The following M1AP variants were observed in gnomAD, a reference collection of about 807,000 sequenced individuals.
M1AP encodes the protein meiosis 1 associated protein.
A neutral mutation model predicts 51.2 loss-of-function variants in M1AP; 39 were observed. The ratio of observed to expected loss-of-function variants is 0.76; its 90% CI spans 0.59 to 1.00. M1AP has a LOEUF of 1.00. Ranked by LOEUF, M1AP falls within the 50% of genes least tolerant of loss-of-function variation. M1AP has a pLI of 0.00. For missense variants in M1AP, 545 were observed against 641.2 expected (o/e 0.85, Z 1.62); for synonymous variants, 251 against 249.2 (o/e 1.01, Z -0.07).
rs767751621 is a variant in M1AP, at chr2:74,581,802, T to C, written c.641A>G (p.Asn214Ser). ...GTDIDLQTID[N>S]DIVSMEIFFK... ...GAAAATCTCCATGCTGACGATATCA[T>C]TGTCTATAGTCTGAAGGTCAATGTC... The change falls in exon 5 of 11, where the codon AAT becomes AGT. Residue 214 changes from asparagine to serine, a missense_variant. Transcript: ENST00000421985. 6 of 1,614,050 alleles carry C rather than the reference T, an allele frequency of 3.7e-6. No individual in the cohort carries two copies. In the South Asian group the frequency reaches 4.4e-5, roughly 12 times the overall value.
At chr2:74,625,921 T>C (rs1573171245) in intron 2 of M1AP, among the ~76,000 whole-genome samples, 1 of 152,216 alleles carries the variant, frequency 6.6e-6, no homozygotes, top group Non-Finnish European at 1.5e-5. Context: ...TCTTCCAACA[T>C]GGAGAATACG....
intron 3 of M1AP, among the ~76,000 whole-genome samples, chr2:74,612,050 C>T (rs530054055): frequency 3.3e-5 from 5 of 150,642 alleles, no homozygotes; most frequent in South Asian, 2.1e-4. Flanking sequence ...CCCACCACCA[C>T]GCCTGGCTAA....
intron 8 of M1AP, among the ~76,000 whole-genome samples, chr2:74,560,825 A>G (rs1677873174): frequency 6.6e-6 from 1 of 151,984 alleles, no homozygotes; most frequent in Non-Finnish European, 1.5e-5. Flanking sequence ...TGAGCAGGCC[A>G]TGGCCACTTG....
intron 1 of M1AP, among the ~76,000 whole-genome samples, chr2:74,641,015 T>C (rs866399125): frequency 8.5e-5 from 13 of 152,264 alleles, no homozygotes; most frequent in Admixed American, 8.5e-4. Flanking sequence ...GTCTTGTTGA[T>C]ATTATTCATC....
chr2:74,637,670 T>C (rs891844365), intron 2 of M1AP, among the ~76,000 whole-genome samples: 10 of 152,336 alleles, frequency 6.6e-5, no homozygotes, highest in Non-Finnish European at 1.0e-4. Context: ...GCCCTACTAC[T>C]GAGGCAAGAT....
At chr2:74,645,362 A>T (rs1467322288) in intron 1 of M1AP, among the ~76,000 whole-genome samples, 5 of 152,224 alleles carry the variant, frequency 3.3e-5, no homozygotes, top group Non-Finnish European at 5.9e-5. Context: ...CAAGACCAAG[A>T]ACCCACCAAT....
rs1683669677 is a variant in M1AP, at chr2:74,647,336, T to G, written c.-53+929A>C. ...CGGATGTTCTGTTCCGTGCTGAGCA[T>G]TCTAGGTTAGGGCCCCTTTACAAGC... is the stretch of plus-strand genomic sequence containing the variant. On this transcript the variant is annotated intron_variant, in intron 1 of 10. Transcript: ENST00000421985. 3 of 985,248 alleles carry G rather than the reference T, an allele frequency of 3.0e-6. No individual in the cohort carries two copies. In the South Asian group the frequency reaches 1.4e-4, roughly 46 times the overall value. The allele number at this position is 985,248 out of a possible 1,614,324, so 61.0% of individuals were successfully genotyped here.
rs200632949 is a variant in M1AP at position 74,590,965 on chromosome 2, C to T, written c.596-9118G>A. 6.6e-5 allele frequency among the ~76,000 whole-genome samples: 10 copies of T among 152,284 alleles called. No individual in the cohort carries two copies. In the East Asian group the frequency reaches 1.9e-3, roughly 29 times the overall value. On this transcript the variant is annotated intron_variant, in intron 4 of 10. Transcript: ENST00000421985. ...GCCTGGTGCTTACTTTCTCTGTGAC[C>T]TTAGGCCAGTCACTTCATCTCTTTA...
At chr2:74,571,609 G>A (rs1487781789) in intron 7 of M1AP, among the ~76,000 whole-genome samples, 1 of 152,166 alleles carries the variant, frequency 6.6e-6, no homozygotes, top group East Asian at 1.9e-4. Context: ...GCTGAAGTTT[G>A]TGAAAAGTTT....
Position 74,562,316 on chromosome 2 carries a change from T to G in M1AP, c.1182A>C (p.Thr394=). The stretch of plus-strand genomic sequence containing the variant: ...GCGTGGCCACCGCCTTTACCAGCAG[T>G]GTGAGGGAGTGTGACGGCATGATCA... ...FYVIMPSHSL[T]LLVKAVATRE... The change falls in exon 8 of 11, where the codon ACA becomes ACC. Residue 394 remains threonine (T), a synonymous_variant. Coordinates refer to ENST00000421985, the MANE Select transcript of M1AP (RefSeq NM_001321739.2). The G allele has an allele frequency of 6.2e-7, 1 of 1,614,160 alleles. No individual in the cohort carries two copies. Among genetic ancestry groups the G allele is most frequent in the Non-Finnish European group, 8.5e-7 (1 of 1,180,022 alleles).
chr2:74,607,094 C>T lies in M1AP; in HGVS notation c.556G>A (p.Val186Met), dbSNP rs1455812875. The T allele has an allele frequency of 9.3e-6, 15 of 1,614,082 alleles. No homozygotes were observed. The highest frequency in any genetic ancestry group is 7.7e-5 in the South Asian group (7 of 91,082). Residue 186 changes from valine to methionine, a missense_variant, in exon 4 of 11, where the codon GTG becomes ATG. By Grantham distance (21) the Val-to-Met change is conservative. Transcript: ENST00000421985. ...VEVTKGILEH[V>M]DSASPVEDTS... ...TCCTCAACAGGAGACGCTGAGTCCA[C>T]GTGCTCTAGGATTCCCTTTGTGACC...
intron 4 of M1AP, among the ~76,000 whole-genome samples, chr2:74,590,269 T>C (rs185918109): frequency 1.5e-3 from 231 of 152,306 alleles, no homozygotes; most frequent in Non-Finnish European, 2.6e-3. Flanking sequence ...CCCTTCTCAC[T>C]GTATCCTCAT....
chr2:74,634,204 G>T (rs560130967), intron 2 of M1AP, among the ~76,000 whole-genome samples: 1 of 152,088 alleles, frequency 6.6e-6, no homozygotes, highest in Non-Finnish European at 1.5e-5. Flanking sequence ...CAAATAGAGC[G>T]ATTTGTCTGA....
At chr2:74,566,184 C>T (rs1176354911) in intron 7 of M1AP, among the ~76,000 whole-genome samples, 2 of 152,140 alleles carry the variant, frequency 1.3e-5, no homozygotes, top group Non-Finnish European at 2.9e-5. Context: ...GAAGATATTG[C>T]GTGTGTCAAC....
chr2:74,619,334 T>C, intron 2 of M1AP: 1 of 189,812 alleles, frequency 5.3e-6, no homozygotes, highest in Non-Finnish European at 1.1e-5. Flanking sequence ...AATATGAAAA[T>C]AGCTGGAATA....
Position 74,560,144 on chromosome 2 carries a change from G to A in M1AP, c.1422+7C>T, listed in dbSNP as rs1379501756. On this transcript the variant is annotated splice_region_variant and intron_variant, in intron 9 of 10. Transcript: ENST00000421985. The stretch of plus-strand genomic sequence containing the variant: ...TAAGGAAGAGGAGGGAAGGAGGGGA[G>A]CGGTACCTTTCTCGGAGCTCGGCTC... 6.2e-7 allele frequency: 1 copy of A among 1,613,026 alleles called. No homozygotes were observed. Among genetic ancestry groups the A allele is most frequent in the South Asian group, 1.1e-5 (1 of 91,026 alleles).
At chr2:74,603,137 A>C (rs1558673416) in intron 4 of M1AP, among the ~76,000 whole-genome samples, 1 of 152,150 alleles carries the variant, frequency 6.6e-6, no homozygotes, top group African/African-American at 2.4e-5. Flanking sequence ...CTGGGTCATG[A>C]CCCATTCTGT....
chr2:74,605,118 G>A (rs1680894814), intron 4 of M1AP, among the ~76,000 whole-genome samples: 1 of 152,114 alleles, frequency 6.6e-6, no homozygotes, highest in Non-Finnish European at 1.5e-5. Flanking sequence ...TACTAGGAAA[G>A]TCTTATTTAC....
At chr2:74,637,153 G>A (rs1257364754) in intron 2 of M1AP, among the ~76,000 whole-genome samples, 3 of 152,060 alleles carry the variant, frequency 2.0e-5, no homozygotes, top group Non-Finnish European at 4.4e-5. Flanking sequence ...TTTTCTTTCT[G>A]TGTTTCATGT....
Sources: allele counts gnomAD v4.1 joint callset (sites outside exome capture counted in the v4.1 genomes callset), GRCh38; gene constraint gnomAD v4.1.1; transcripts MANE v1.5; gene names NCBI Gene and HGNC (gene_info 2026-07-23, HGNC 2026-07-21).